Variants in ATP5PO observed in about 807,000 individuals in gnomAD.
The protein encoded by ATP5PO is ATP synthase peripheral stalk subunit OSCP.
A neutral mutation model predicts 26.2 loss-of-function variants in ATP5PO; 14 were observed. That is an observed-to-expected ratio of 0.53 (90% CI 0.35 to 0.83). ATP5PO has a LOEUF of 0.83. Ranked by LOEUF, ATP5PO falls within the 40% of genes least tolerant of loss-of-function variation. The pLI is 0.01. For synonymous variants in ATP5PO, 106 were observed against 95.1 expected, an observed-to-expected ratio of 1.12 and a Z score of -0.67; for missense variants, 241 against 258.5, an observed-to-expected ratio of 0.93 and a Z score of 0.46.
chr21:33,911,385 G>A (rs966416751), intron 3 of ATP5PO, among the ~76,000 whole-genome samples: 3 of 152,062 alleles, frequency 2.0e-5, no homozygotes, highest in African/African-American at 4.8e-5. Context: ...GCTGCCCAGC[G>A]CGCCCCACCC....
Position 33,903,976 on chromosome 21 carries a change from T to C in ATP5PO, c.487A>G (p.Ser163Gly). 1 of 1,613,688 alleles carries C rather than the reference T, an allele frequency of 6.2e-7. No individual in the cohort carries two copies. Residue 163 changes from serine (S) to glycine (G), a missense_variant, in exon 6 of 7, where the codon AGC becomes GGC. By Grantham distance (56) the Ser-to-Gly change is moderately conservative (BLOSUM62 0). Transcript: ENST00000290299. ...TLSELKTVLK[S>G]FLSQGQVLKL... ...AATACTTGGCCTTGACTTAGGAAGC[T>C]CTTGAGGACAGTTTTTAATTCAGAG...
chr21:33,913,019 T>C (rs145983195), intron 2 of ATP5PO, among the ~76,000 whole-genome samples: 2 of 152,206 alleles, frequency 1.3e-5, no homozygotes, highest in Non-Finnish European at 2.9e-5. Context: ...TGGTGCTGTA[T>C]GGTTGTAGTG....
At chr21:33,908,188 A>G (rs1263811585) in intron 4 of ATP5PO, among the ~76,000 whole-genome samples, 1 of 146,318 alleles carries the variant, frequency 6.8e-6, no homozygotes, top group Non-Finnish European at 1.5e-5. Flanking sequence ...AAAAAAAAAA[A>G]AAGAATGGAG....
chr21:33,915,533 C>T, intron 1 of ATP5PO, 195 bp downstream of exon 1: 3 of 776,916 alleles, frequency 3.9e-6, no homozygotes, highest in Non-Finnish European at 5.9e-6. Context: ...CGCGCAGCCC[C>T]GCGCCTACTG....
chr21:33,903,510 C>T lies in ATP5PO; in HGVS notation c.*16G>A. ...CAAGTTTAAGAATTTTCACTGATGG[C>T]AGAAAACCAACACTTTTAGACAATC... On this transcript the variant is annotated 3_prime_UTR_variant, in exon 7 of 7. Coordinates refer to ENST00000290299, the MANE Select transcript of ATP5PO (RefSeq NM_001697.3). 2 of 1,601,032 alleles carry T rather than the reference C, an allele frequency of 1.2e-6. No individual in the cohort carries two copies. Among genetic ancestry groups the T allele is most frequent in the Admixed American group, 3.4e-5 (2 of 58,990 alleles).
At chr21:33,910,389 G>T (rs749838044) in intron 3 of ATP5PO, among the ~76,000 whole-genome samples, 1 of 152,148 alleles carries the variant, frequency 6.6e-6, no homozygotes, top group Admixed American at 6.5e-5. Flanking sequence ...GGGTTACCTA[G>T]TTTTTCATGT....
intron 5 of ATP5PO, 149 bp from the exon 6 acceptor site, chr21:33,904,170 A>C: frequency 1.6e-6 from 1 of 621,546 alleles, no homozygotes; most frequent in Non-Finnish European, 2.7e-6. Context: ...TGCAGCATTC[A>C]CTCCTTGTTC....
chr21:33,909,438 G>C (rs1424244304), intron 3 of ATP5PO, among the ~76,000 whole-genome samples: 1 of 82,678 alleles, frequency 1.2e-5, no homozygotes, highest in Admixed American at 1.2e-4. Flanking sequence ...GCTAATTTTT[G>C]TATTTTTAGT....
chr21:33,907,569 AG>A, intron 4 of ATP5PO, 116 bp from the exon 5 acceptor site: 1 of 791,196 alleles, frequency 1.3e-6, no homozygotes, highest in Non-Finnish European at 2.1e-6. Context: ...CACCATATAC[AG>A]GGGCGCATGC....
chr21:33,915,547 C>T, intron 1 of ATP5PO, 181 bp downstream of exon 1: 1 of 912,436 alleles, frequency 1.1e-6, no homozygotes, highest in Non-Finnish European at 1.6e-6. Context: ...CCTACTGCCC[C>T]GTAGGCATCC....
chr21:33,915,622 T>C, intron 1 of ATP5PO, 106 bp downstream of exon 1: 4 of 1,481,950 alleles, frequency 2.7e-6, no homozygotes, highest in Non-Finnish European at 3.6e-6. Flanking sequence ...CCTTGAAGAC[T>C]GCCAGACTTC....
chr21:33,907,432 C>T lies in ATP5PO; in HGVS notation c.350G>A (p.Arg117Gln), dbSNP rs1211019189. 12 of 1,613,926 alleles carry T rather than the reference C, an allele frequency of 7.4e-6. No homozygotes were observed. Among genetic ancestry groups the T allele is most frequent in the East Asian group, 2.2e-5 (1 of 44,902 alleles). Reference sequence around the variant, plus strand: ...AACGACTCCTTGGGTATTGCTTAATCGACCATTTTCAGCAAGCAAATCTGC... The same window carrying T: ...AACGACTCCTTGGGTATTGCTTAATTGACCATTTTCAGCAAGCAAATCTGC... ...NLINLLAENG[R>Q]LSNTQGVVSA... Residue 117 changes from arginine to glutamine, a missense_variant, in exon 5 of 7, where the codon CGA becomes CAA. By Grantham distance (43) the Arg-to-Gln change is conservative. Around this residue, in one of 3 missense-constraint regions of ATP5PO, gnomAD observed 39 missense variants for 75.5 expected, o/e 0.52. Transcript: ENST00000290299.
intron 4 of ATP5PO, among the ~76,000 whole-genome samples, 195 bp from the exon 5 acceptor site, chr21:33,907,648 A>C (rs930825011): frequency 3.3e-5 from 5 of 152,164 alleles, no homozygotes; most frequent in African/African-American, 4.8e-5. Flanking sequence ...AGACCAGCCA[A>C]AATAGTGAGA....
chr21:33,908,931 A>G, intron 4 of ATP5PO, 151 bp downstream of exon 4: 2 of 862,446 alleles, frequency 2.3e-6, no homozygotes, highest in Non-Finnish European at 3.4e-6. Flanking sequence ...GCTGGTTAAG[A>G]TACAGACTCT....
chr21:33,910,534 T>G (rs2834297), intron 3 of ATP5PO, among the ~76,000 whole-genome samples: 71,124 of 151,980 alleles, frequency 0.47, 16,825 homozygotes, highest in East Asian at 0.6. Flanking sequence ...TCGACTGACT[T>G]CCAGGCTTTA....
intron 4 of ATP5PO, 23 bp downstream of exon 4, chr21:33,909,059 A>G (rs1397566658): frequency 6.3e-7 from 1 of 1,577,236 alleles, no homozygotes; most frequent in African/African-American, 1.4e-5. Context: ...AGACACCTCA[A>G]ATGAAAAAGT....
chr21:33,915,638 C>A, intron 1 of ATP5PO, 90 bp downstream of exon 1: 1 of 1,513,540 alleles, frequency 6.6e-7, no homozygotes, highest in Non-Finnish European at 8.9e-7. Flanking sequence ...ACTTCCCCAG[C>A]CGAAGCATCG....
At chr21:33,912,167 C>A in intron 3 of ATP5PO, 122 bp downstream of exon 3, 1 of 660,000 alleles carries the variant, frequency 1.5e-6, no homozygotes, top group Non-Finnish European at 2.4e-6. Flanking sequence ...AATGTGTTTA[C>A]AGACAATGGC....
intron 5 of ATP5PO, 78 bp downstream of exon 5, chr21:33,907,263 T>C (rs1185692649): frequency 8.6e-6 from 11 of 1,283,754 alleles, no homozygotes; most frequent in African/African-American, 6.0e-5. Context: ...GATTTTACCC[T>C]GTTTTTCCCT....
Sources: gnomAD v4.1 joint callset for allele counts (sites outside exome capture counted in the v4.1 genomes callset) on GRCh38, gnomAD v4.1.1 for gene constraint, gnomAD v4.1.1 regional missense constraint, MANE v1.5 for transcripts, NCBI Gene and HGNC (gene_info 2026-07-23, HGNC 2026-07-21) for gene names.